The following PCDHGA3 variants were observed in gnomAD, a reference collection of about 807,000 sequenced individuals.
The protein encoded by PCDHGA3 is protocadherin gamma-A3.
Under a neutral mutation model 58.5 loss-of-function variants are expected in PCDHGA3, and 40 were observed. The ratio of observed to expected loss-of-function variants is 0.68; its 90% CI spans 0.53 to 0.89. The LOEUF is 0.89. Ranked by LOEUF, PCDHGA3 falls within the 40% of genes least tolerant of loss-of-function variation. The pLI, the probability that PCDHGA3 is intolerant of heterozygous loss-of-function variation, is 0.00. For synonymous variants in PCDHGA3, 530 were observed against 525.7 expected (o/e 1.01, Z -0.11); for missense variants, 1,223 against 1,195.9 (o/e 1.02, Z -0.33).
At position 141,364,632 on chromosome 5, in the gene PCDHGA3, T is replaced by C. The variant is rs377270205; in HGVS notation, c.2424+18175T>C. The C allele has an allele frequency of 1.1e-5, 17 of 1,614,024 alleles. No homozygotes were observed. The African/African-American group carries it at 2.3e-4, about 22-fold the overall frequency. Reference sequence around the variant, plus strand: ...GAGGAGCTCTGCGCTCAGAGCCCACTGTGTGTGGTGAACTTTAACATCTTG... The same window carrying C: ...GAGGAGCTCTGCGCTCAGAGCCCACCGTGTGTGGTGAACTTTAACATCTTG... On this transcript the variant is annotated intron_variant, in intron 1 of 3. Coordinates refer to ENST00000253812, the MANE Select transcript of PCDHGA3 (RefSeq NM_018916.4).
chr5:141,347,143 CTTTCTTTCTTTCTT>C (rs1757902812), intron 1 of PCDHGA3, among the ~76,000 whole-genome samples: 2 of 104,078 alleles, frequency 1.9e-5, no homozygotes, highest in African/African-American at 6.3e-5. Flanking sequence ...TTCTCTCTTT[CTTTCTTTCTTTCTT>C]TCTTTCTTTC....
chr5:141,504,578 TGCCCAGGATTCACAGCAA>T (rs2099839274), intron 2 of PCDHGA3, among the ~76,000 whole-genome samples: 1 of 148,500 alleles, frequency 6.7e-6, no homozygotes, highest in African/African-American at 2.5e-5. Flanking sequence ...GAACACCATC[TGCCCAGGATTCACAGCAA>T]GAGGGAACTT....
intron 1 of PCDHGA3, chr5:141,377,860 A>G (rs1236316198): frequency 6.6e-6 from 1 of 152,192 alleles, no homozygotes; most frequent in Non-Finnish European, 1.5e-5. Context: ...ATTAAGATTT[A>G]AAAGACTTCT....
chr5:141,505,287 TG>T, intron 2 of PCDHGA3, 105 bp from the exon 3 acceptor site: 1 of 1,550,864 alleles, frequency 6.4e-7, no homozygotes, highest in Middle Eastern at 2.1e-4. Context: ...GTCTTGGGCA[TG>T]GGGTAGGGTT....
chr5:141,394,228 T>C lies in PCDHGA3; in HGVS notation c.2424+47771T>C, dbSNP rs1236057008. On this transcript the variant is annotated intron_variant, in intron 1 of 3. Transcript: ENST00000253812. ...AACAACCTGAGAGGAGCCTCCATCT[T>C]TTCCTTGACTGCACACGACCCCGAC... is the stretch of plus-strand genomic sequence containing the variant. 3.7e-6 allele frequency: 6 copies of C among 1,613,886 alleles called. No individual in the cohort carries two copies. The South Asian group carries it at 4.4e-5, about 12-fold the overall frequency.
chr5:141,361,862 A>G (rs529050420), intron 1 of PCDHGA3: 1 of 1,611,966 alleles, frequency 6.2e-7, no homozygotes, highest in East Asian at 2.2e-5. Context: ...GCCCTCTTCG[A>G]TATGGTGCCA....
chr5:141,446,188 T>G (rs566309564), intron 1 of PCDHGA3, among the ~76,000 whole-genome samples: 28 of 152,326 alleles, frequency 1.8e-4, no homozygotes, highest in African/African-American at 6.3e-4. Context: ...TTTTGTTTAT[T>G]ATTATATTCC....
chr5:141,483,350 G>C (rs2099580423), intron 1 of PCDHGA3, among the ~76,000 whole-genome samples: 4 of 152,172 alleles, frequency 2.6e-5, no homozygotes, highest in Admixed American at 1.3e-4. Flanking sequence ...CTTTGCAATA[G>C]TTTGAAAGCT....
chr5:141,435,733 T>C (rs950139563), intron 1 of PCDHGA3, among the ~76,000 whole-genome samples: 12 of 152,208 alleles, frequency 7.9e-5, no homozygotes, highest in African/African-American at 2.7e-4. Context: ...AGTGTATTAC[T>C]CTTTGAAAAG....
In PCDHGA3 at chr5:141,388,019, C is replaced by T. The variant is rs1218468252; in HGVS notation, c.2424+41562C>T. On this transcript the variant is annotated intron_variant, in intron 1 of 3. Transcript: ENST00000253812. ...TTCCCGAGGAAATGCCCAAGGGCTC[C>T]GTAGTGGGGAACCTCGCCACGGACC... 4.1e-6 allele frequency: 6 copies of T among 1,458,652 alleles called. 1 individual carries two copies. The highest frequency in any genetic ancestry group is 2.4e-4 in the Middle Eastern group (1 of 4,164). 90.4% of individuals were successfully genotyped at this position (1,458,652 alleles called of 1,614,324 possible). A position where few individuals can be genotyped will look rare whatever the true frequency, so the allele number is the denominator to read the frequency against.
chr5:141,351,684 C>G, intron 1 of PCDHGA3: 3 of 1,613,988 alleles, frequency 1.9e-6, no homozygotes, highest in Non-Finnish European at 2.5e-6. Context: ...GCCTCCGACC[C>G]GGATTTGGGA....
In PCDHGA3 at chr5:141,351,586, C is replaced by A. The variant is rs377147713; in HGVS notation, c.2424+5129C>A. On this transcript the variant is annotated intron_variant, in intron 1 of 3. Transcript: ENST00000253812. ...TCACCCTGCACATCTCCGACATCAA[C>A]GACAATGCACCTGTTTTCCATCAGG... The A allele has an allele frequency of 6.8e-6, 11 of 1,614,054 alleles. No homozygotes were observed. In the South Asian group the frequency reaches 1.1e-4, roughly 16 times the overall value.
At chr5:141,433,028 G>C in intron 1 of PCDHGA3, 1 of 1,614,116 alleles carries the variant, frequency 6.2e-7, no homozygotes, top group Non-Finnish European at 8.5e-7. Context: ...TTCCCACGAG[G>C]TTTCCCTCAC....
chr5:141,399,589 A>G (rs1460754588), intron 1 of PCDHGA3: 6 of 1,613,866 alleles, frequency 3.7e-6, no homozygotes, highest in Non-Finnish European at 3.4e-6. Context: ...CTACTCTATC[A>G]TGGCCAGCGA....
At chr5:141,501,288 TATACAC>T (rs201660636) in intron 2 of PCDHGA3, among the ~76,000 whole-genome samples, 3 of 81,324 alleles carry the variant, frequency 3.7e-5, no homozygotes, top group African/African-American at 1.5e-4. Flanking sequence ...GATATTCCCT[TATACAC>T]ACACACACAC....
intron 1 of PCDHGA3, among the ~76,000 whole-genome samples, chr5:141,482,141 A>C (rs1302783884): frequency 6.6e-6 from 1 of 152,116 alleles, no homozygotes; most frequent in African/African-American, 2.4e-5. Flanking sequence ...GCTGGCATAA[A>C]AAGGTCAAGT....
intron 1 of PCDHGA3, chr5:141,419,137 C>CAGGG: frequency 6.2e-7 from 1 of 1,613,892 alleles, no homozygotes; most frequent in Non-Finnish European, 8.5e-7. Context: ...CAGCCACAGA[C>CAGGG]AGGGGCAAGC....
intron 1 of PCDHGA3, chr5:141,417,045 A>G (rs890407837): frequency 7.2e-5 from 11 of 152,144 alleles, no homozygotes; most frequent in Admixed American, 1.3e-4. Context: ...TTTTAAAAAA[A>G]ACTGCTCTTG....
rs1477359818 is a variant in PCDHGA3, at chr5:141,397,350, G to A, written c.2424+50893G>A. 3.9e-5 allele frequency among the ~76,000 whole-genome samples: 6 copies of A among 152,268 alleles called. No individual in the cohort carries two copies. In the East Asian group the frequency reaches 9.6e-4, roughly 24 times the overall value. On this transcript the variant is annotated intron_variant, in intron 1 of 3. Coordinates refer to ENST00000253812, the MANE Select transcript of PCDHGA3 (RefSeq NM_018916.4). ...TATTTTTATAAAGAATGTTAATATA[G>A]TCAGGAAGAGGAGATGTTTGGGGAT... is the stretch of plus-strand genomic sequence containing the variant.
Sources: allele counts gnomAD v4.1 joint callset (sites outside exome capture counted in the v4.1 genomes callset), GRCh38; gene constraint gnomAD v4.1.1; transcripts MANE v1.5; gene names NCBI Gene and HGNC (gene_info 2026-07-23, HGNC 2026-07-21).